Variants in GATA6 observed in about 807,000 individuals in gnomAD.
The protein encoded by GATA6 is GATA binding protein 6.
In GATA6, 11 loss-of-function variants were observed where a neutral mutation model predicts 48.1. The observed-to-expected ratio is 0.23, with a 90% CI of 0.14 to 0.38. The LOEUF is 0.38. GATA6 is among the 10% of genes least tolerant of loss of function. The pLI is 1.00. For synonymous variants in GATA6, 419 were observed against 396.1 expected (o/e 1.06, Z -0.69); for missense variants, 795 against 850.3 (o/e 0.93, Z 0.81).
rs1567997403 is a variant in GATA6 at position 22,179,393 on chromosome 18, AT to A, written c.1303-2059del. On this transcript the variant is annotated intron_variant, in intron 3 of 6. Coordinates refer to ENST00000269216, the MANE Select transcript of GATA6 (RefSeq NM_005257.6). ...CTTGAATTCCTTGTCAGTGAGGAAT[AT>A]GACTGAGATCACTTGTTACAAGGAA... Among the ~76,000 whole-genome samples the A allele has an allele frequency of 2.6e-5, 4 of 152,376 alleles. No homozygotes were observed. In the South Asian group the frequency reaches 8.3e-4, roughly 32 times the overall value.
At position 22,200,875 on chromosome 18, in the gene GATA6, C is replaced by T. The variant is rs746451159; in HGVS notation, c.*52C>T. Reference sequence around the variant, plus strand: ...GCTCCGCCGCGGGCCTCACTCCACTCGTGTCTGCTTTTGTGCAGCGGTCCA... The same window carrying T: ...GCTCCGCCGCGGGCCTCACTCCACTTGTGTCTGCTTTTGTGCAGCGGTCCA... On this transcript the variant is annotated 3_prime_UTR_variant, in exon 7 of 7. Transcript: ENST00000269216. 4 of 1,554,206 alleles carry T rather than the reference C, an allele frequency of 2.6e-6. No homozygotes were observed. Among genetic ancestry groups the T allele is most frequent in the South Asian group, 1.1e-5 (1 of 87,398 alleles).
Position 22,171,510 on chromosome 18 carries a change from G to T in GATA6, c.366G>T (p.Ala122=). ...TGTTCACTGACCTCGACCAAGCCGC[G>T]ACCGCCAGCAAGCTGCTGTGGTCCA... ...LLLFTDLDQA[A]TASKLLWSSR... The change falls in exon 2 of 7, where the codon GCG becomes GCT. Residue 122 remains alanine, a synonymous_variant. Coordinates refer to ENST00000269216, the MANE Select transcript of GATA6 (RefSeq NM_005257.6). This position sits in a 1 kb window ranked among gnomAD's most constrained non-coding sequence, Gnocchi z 7.1. 1 of 1,603,056 alleles carries T rather than the reference G, an allele frequency of 6.2e-7. No homozygotes were observed.
chr18:22,179,848 G>T (rs150202784), intron 3 of GATA6, among the ~76,000 whole-genome samples: 1 of 152,148 alleles, frequency 6.6e-6, no homozygotes, highest in African/African-American at 2.4e-5. Flanking sequence ...GTGCTAAAAG[G>T]TTTGCCAGTG....
At chr18:22,191,871 C>T (rs1046225222) in intron 6 of GATA6, among the ~76,000 whole-genome samples, 15 of 152,176 alleles carry the variant, frequency 9.9e-5, no homozygotes, top group African/African-American at 2.9e-4. Flanking sequence ...TGGGGTCTTA[C>T]GAGTAAACGG....
rs2033466247 is a variant in GATA6 at position 22,201,827 on chromosome 18, C to G, written c.*1004C>G. On this transcript the variant is annotated 3_prime_UTR_variant, in exon 7 of 7. Transcript: ENST00000269216. ...CTAACGGATAGCATTTGTAAATACT[C>G]TAGGTATCTGTAAACACTCTGATGA... is the stretch of plus-strand genomic sequence containing the variant. 6.6e-6 allele frequency: 1 copy of G among 152,550 alleles called. No individual in the cohort carries two copies. The highest frequency in any genetic ancestry group is 1.5e-5 in the Non-Finnish European group (1 of 68,040). The allele number at this position is 152,550 out of a possible 1,614,324, so 9.4% of individuals were successfully genotyped here. A position where few individuals can be genotyped will look rare whatever the true frequency, so the allele number is the denominator to read the frequency against.
rs1276069180 is a variant in GATA6, at chr18:22,202,385, G to T, written c.*1562G>T. 6.6e-6 allele frequency: 1 copy of T among 152,128 alleles called. No individual in the cohort carries two copies. The highest frequency in any genetic ancestry group is 2.1e-4 in the South Asian group (1 of 4,820). 9.4% of individuals were successfully genotyped at this position (152,128 alleles called of 1,614,324 possible). ...TTGCAACGTGCCTTGAAGTCTCAAA[G>T]CTCACCTGAGGTTGCAGACGTTACC... On this transcript the variant is annotated 3_prime_UTR_variant, in exon 7 of 7. Transcript: ENST00000269216.
intron 4 of GATA6, among the ~76,000 whole-genome samples, chr18:22,181,984 A>T (rs1270401142): frequency 2.0e-5 from 3 of 152,236 alleles, no homozygotes; most frequent in Non-Finnish European, 2.9e-5. Context: ...TATATCTCTT[A>T]AAAATTTTGA....
At chr18:22,169,896 TTATCTGCGCGCAGCCTTATCTCCGAGTTA>T (rs2033007497) in intron 1 of GATA6, among the ~76,000 whole-genome samples, 1 of 152,212 alleles carries the variant, frequency 6.6e-6, no homozygotes, top group African/African-American at 2.4e-5. Flanking sequence ...CTCGAAGCGC[TTATCTGCGCGCAGCCTTATCTCCGAGTTA>T]TCTCGGCGCA....
At chr18:22,186,226 C>T (rs1319162948) in intron 6 of GATA6, among the ~76,000 whole-genome samples, 1 of 152,114 alleles carries the variant, frequency 6.6e-6, no homozygotes, top group Non-Finnish European at 1.5e-5. Context: ...GGGTGACCCT[C>T]GTTTGATGGG....
intron 2 of GATA6, among the ~76,000 whole-genome samples, chr18:22,175,056 T>C (rs1282695649): frequency 6.6e-6 from 1 of 152,002 alleles, no homozygotes; most frequent in Non-Finnish European, 1.5e-5. Flanking sequence ...CAAACAGCCA[T>C]GTTAGGAGAG....
Position 22,200,978 on chromosome 18 carries a change from TGAAA to T in GATA6, c.*158_*161del. 1 of 928,040 alleles carries T rather than the reference TGAAA, an allele frequency of 1.1e-6. No homozygotes were observed. The highest frequency in any genetic ancestry group is 2.7e-5 in the East Asian group (1 of 37,574). 57.5% of individuals were successfully genotyped at this position (928,040 alleles called of 1,614,324 possible). On this transcript the variant is annotated 3_prime_UTR_variant, in exon 7 of 7. Coordinates refer to ENST00000269216, the MANE Select transcript of GATA6 (RefSeq NM_005257.6). ...GAGATGTTTTTCCCAAGAGGCTTGC[TGAAA>T]GAGTGAGAGAAGATGGAAGGGAAGG...
At chr18:22,184,397 A>G (rs1006750951) in intron 6 of GATA6, among the ~76,000 whole-genome samples, 1 of 151,856 alleles carries the variant, frequency 6.6e-6, no homozygotes, top group Non-Finnish European at 1.5e-5. Context: ...GGTGGACTCC[A>G]TGCTATGGTG....
At chr18:22,198,378 G>A in intron 6 of GATA6, among the ~76,000 whole-genome samples, 1 of 152,174 alleles carries the variant, frequency 6.6e-6, no homozygotes, top group East Asian at 1.9e-4. Context: ...GCCTGCTTAT[G>A]CTTCTTGTTG....
At chr18:22,198,111 G>T (rs1369794998) in intron 6 of GATA6, among the ~76,000 whole-genome samples, 1 of 150,340 alleles carries the variant, frequency 6.7e-6, no homozygotes, top group East Asian at 1.9e-4. Flanking sequence ...TAGAGACAGG[G>T]TCTTGCTCTG....
chr18:22,180,944 G>A (rs1055793923), intron 3 of GATA6, among the ~76,000 whole-genome samples: 1 of 152,074 alleles, frequency 6.6e-6, no homozygotes, highest in African/African-American at 2.4e-5. Flanking sequence ...TGTCCACGGT[G>A]GGGGGTGGGC....
chr18:22,177,961 T>TG (rs10646640), intron 3 of GATA6, among the ~76,000 whole-genome samples: 37 of 134,908 alleles, frequency 2.7e-4, no homozygotes, highest in East Asian at 1.1e-3. Flanking sequence ...TGTTTTTTTT[T>TG]TTTTTTTTTT....
chr18:22,184,122 G>T (rs375809479), intron 6 of GATA6, among the ~76,000 whole-genome samples: 2 of 152,122 alleles, frequency 1.3e-5, no homozygotes, highest in Non-Finnish European at 2.9e-5. Flanking sequence ...CTACTGCCCC[G>T]GAGGTGTTTG....
chr18:22,171,565 C>A lies in GATA6; in HGVS notation c.421C>A (p.Pro141Thr). ...SRGAKLSPFA[P>T]EQPEEMYQTL... ...CGGCGCCAAGCTGAGCCCCTTCGCACCCGAGCAGCCGGAGGAGATGTACCA... is the reference window on the plus strand; with the variant it reads ...CGGCGCCAAGCTGAGCCCCTTCGCAACCGAGCAGCCGGAGGAGATGTACCA... The change falls in exon 2 of 7, where the codon CCC becomes ACC. Residue 141 changes from proline to threonine, a missense_variant. By Grantham distance (38) the Pro-to-Thr change is conservative. This residue lies in a region of GATA6 where 591 missense variants were observed against 570.0 expected (regional missense o/e 1.04). Coordinates refer to ENST00000269216, the MANE Select transcript of GATA6 (RefSeq NM_005257.6). This position sits in a 1 kb window ranked among gnomAD's most constrained non-coding sequence, Gnocchi z 7.1. 1 of 1,603,726 alleles carries A rather than the reference C, an allele frequency of 6.2e-7. No homozygotes were observed. The highest frequency in any genetic ancestry group is 8.5e-7 in the Non-Finnish European group (1 of 1,179,576).
In GATA6 at chr18:22,172,192, C is replaced by G. The variant is rs964471147; in HGVS notation, c.1048C>G (p.Pro350Ala). ...GGGGGCGCCACTGACGCCTGCCTGG[C>G]CCGCCGGACCCTTCGAGACCCCGGT... ...YVGAPLTPAW[P>A]AGPFETPVLH... Residue 350 changes from proline (P) to alanine (A), a missense_variant, in exon 2 of 7, where the codon CCC (proline) becomes GCC (alanine). Physicochemically the swap from Pro to Ala is conservative, Grantham distance 27. This residue lies in a region of GATA6 where 591 missense variants were observed against 570.0 expected (regional missense o/e 1.04). Coordinates refer to ENST00000269216, the MANE Select transcript of GATA6 (RefSeq NM_005257.6). The surrounding 1 kb of genome is among the most constrained non-coding windows in gnomAD (Gnocchi z 5.2). The G allele has an allele frequency of 3.3e-6, 5 of 1,533,698 alleles. No homozygotes were observed. The highest frequency in any genetic ancestry group is 3.5e-6 in the Non-Finnish European group (4 of 1,145,854).
Sources: allele counts gnomAD v4.1 joint callset (sites outside exome capture counted in the v4.1 genomes callset), GRCh38; gene constraint gnomAD v4.1.1; regional missense constraint gnomAD v4.1.1; non-coding constraint Gnocchi (gnomAD v3.1); transcripts MANE v1.5; gene names NCBI Gene and HGNC (gene_info 2026-07-23, HGNC 2026-07-21).